WWC1: variants seen among roughly 807,000 people sequenced by gnomAD.
WWC1 encodes WW and C2 domain containing 1, also known as protein KIBRA.
Under a neutral mutation model 138.4 loss-of-function variants are expected in WWC1, and 55 were observed. The observed-to-expected ratio is 0.40, with a 90% CI of 0.32 to 0.50. The LOEUF (loss-of-function observed/expected upper bound fraction) is 0.50, where lower values mean the gene tolerates loss of function less well. Ranked by LOEUF, WWC1 falls within the 20% of genes least tolerant of loss-of-function variation. The pLI is 0.72. For synonymous variants in WWC1, 524 were observed against 564.9 expected (o/e 0.93, Z 1.03); for missense variants, 1,226 against 1,420.4 (o/e 0.86, Z 2.20).
At chr5:168,315,643 A>G (rs983147763) in intron 1 of WWC1, among the ~76,000 whole-genome samples, 2 of 152,102 alleles carry the variant, frequency 1.3e-5, no homozygotes, top group Non-Finnish European at 2.9e-5. Context: ...CATCCTGCCC[A>G]GTCTCTCCAG....
intron 2 of WWC1, among the ~76,000 whole-genome samples, chr5:168,377,070 T>C (rs1213020267): frequency 6.6e-6 from 1 of 152,186 alleles, no homozygotes; most frequent in East Asian, 1.9e-4. Context: ...ATGATACTAG[T>C]ACAAAAGCAG....
chr5:168,357,589 A>G (rs576294775), intron 1 of WWC1, among the ~76,000 whole-genome samples: 1 of 152,140 alleles, frequency 6.6e-6, no homozygotes, highest in African/African-American at 2.4e-5. Context: ...GCAAAGGCAA[A>G]GAGGACAATG....
chr5:168,325,804 C>T (rs910957438), intron 1 of WWC1, among the ~76,000 whole-genome samples: 7 of 152,132 alleles, frequency 4.6e-5, no homozygotes, highest in South Asian at 4.1e-4. Context: ...AACAATTCCC[C>T]ATTCCACCCT....
Position 168,428,144 on chromosome 5 carries a change from A to G in WWC1, c.1919+3A>G. ...GTGTACGAGGCTTCCGTGCAGAGGT[A>G]GGTGTCTGGGTGCTGGCTCTCTCTG... On this transcript the variant is annotated splice_donor_region_variant and intron_variant, in intron 12 of 22. Transcript: ENST00000265293. The G allele has an allele frequency of 6.2e-7, 1 of 1,612,006 alleles. No homozygotes were observed. Among genetic ancestry groups the G allele is most frequent in the East Asian group, 2.2e-5 (1 of 44,772 alleles).
chr5:168,318,480 T>A (rs1361314802), intron 1 of WWC1, among the ~76,000 whole-genome samples: 1 of 152,158 alleles, frequency 6.6e-6, no homozygotes, highest in African/African-American at 2.4e-5. Context: ...ACTTCTACTT[T>A]CTGTCTCTAT....
At chr5:168,438,057 C>T (rs1352429766) in intron 15 of WWC1, among the ~76,000 whole-genome samples, 3 of 152,148 alleles carry the variant, frequency 2.0e-5, no homozygotes, top group Admixed American at 1.3e-4. Context: ...ACCTCTGATC[C>T]TCCCAATAGG....
intron 19 of WWC1, among the ~76,000 whole-genome samples, chr5:168,460,013 C>T (rs1401733977): frequency 6.6e-6 from 1 of 152,156 alleles, no homozygotes; most frequent in East Asian, 1.9e-4. Flanking sequence ...GAATACTAGC[C>T]CTCTGGGGGG....
At chr5:168,328,543 G>T (rs1477174931) in intron 1 of WWC1, among the ~76,000 whole-genome samples, 1 of 152,014 alleles carries the variant, frequency 6.6e-6, no homozygotes, top group South Asian at 2.1e-4. Flanking sequence ...TGGGTGTGGG[G>T]AGTTTTTTCT....
intron 5 of WWC1, among the ~76,000 whole-genome samples, chr5:168,401,254 A>G (rs1779287880): frequency 6.6e-6 from 1 of 152,170 alleles, no homozygotes; most frequent in Non-Finnish European, 1.5e-5. Context: ...TCACTGGACA[A>G]TCATTATGAA....
intron 1 of WWC1, among the ~76,000 whole-genome samples, chr5:168,347,476 G>T (rs1395439151): frequency 6.6e-6 from 1 of 152,230 alleles, no homozygotes; most frequent in Non-Finnish European, 1.5e-5. Flanking sequence ...CTTTCGTTGA[G>T]ATGCTGATAT....
intron 1 of WWC1, among the ~76,000 whole-genome samples, chr5:168,321,982 G>T (rs1409625391): frequency 1.3e-5 from 2 of 152,194 alleles, no homozygotes; most frequent in Non-Finnish European, 2.9e-5. Flanking sequence ...TTCTAGAGCA[G>T]CAGTTCTTGA....
At chr5:168,337,707 A>T (rs1773615186) in intron 1 of WWC1, among the ~76,000 whole-genome samples, 1 of 152,200 alleles carries the variant, frequency 6.6e-6, no homozygotes, top group Non-Finnish European at 1.5e-5. Flanking sequence ...ATGACCAAAG[A>T]AAGAAAGAAA....
chr5:168,305,152 G>C (rs916965402), intron 1 of WWC1, among the ~76,000 whole-genome samples: 8 of 143,576 alleles, frequency 5.6e-5, no homozygotes, highest in Non-Finnish European at 1.2e-4. Context: ...TTTTTTAGTA[G>C]AGATGGAGTT....
At chr5:168,410,799 T>C (rs969451530) in intron 8 of WWC1, among the ~76,000 whole-genome samples, 7 of 152,186 alleles carry the variant, frequency 4.6e-5, no homozygotes, top group Admixed American at 1.3e-4. Flanking sequence ...AGCAACCTTA[T>C]AGCACAGGGT....
chr5:168,319,528 G>A (rs1369118721), intron 1 of WWC1, among the ~76,000 whole-genome samples: 2 of 152,304 alleles, frequency 1.3e-5, no homozygotes, highest in Non-Finnish European at 2.9e-5. Flanking sequence ...ATTTTTTTGA[G>A]ACAAGGTCTC....
rs147306133 is a variant in WWC1, at chr5:168,382,371, T to C, written c.230-2840T>C. Among the ~76,000 whole-genome samples, 13 of 152,300 alleles carry C rather than the reference T, an allele frequency of 8.5e-5. 1 individual carries two copies. The East Asian group carries it at 2.5e-3, about 29-fold the overall frequency. ...CTCAACAACAGTTACCTCTGGGCAA[T>C]GGGATTGGAGAGATGGAAACTCTCT... On this transcript the variant is annotated intron_variant, in intron 2 of 22. Transcript: ENST00000265293.
chr5:168,292,211 G>A lies in WWC1; in HGVS notation c.59G>A (p.Gly20Asp). 2 of 1,572,732 alleles carry A rather than the reference G, an allele frequency of 1.3e-6. No individual in the cohort carries two copies. The highest frequency in any genetic ancestry group is 1.8e-5 in the Admixed American group (1 of 54,540). ...TGGGAGGAGGCGCGCGACTTCGACG[G>A]CAAGGTCTACTACATAGACCACACG... ...EGWEEARDFD[G>D]KVYYIDHTNR... Residue 20 changes from glycine (G) to aspartate (D), a missense_variant, in exon 1 of 23, where the codon GGC becomes GAC. By Grantham distance (94) the Gly-to-Asp change is moderately conservative. Around this residue, in one of 3 missense-constraint regions of WWC1, gnomAD observed 1,016 missense variants for 1,153.9 expected, o/e 0.88. Coordinates refer to ENST00000265293, the MANE Select transcript of WWC1 (RefSeq NM_015238.3). The surrounding 1 kb of genome is among the most constrained non-coding windows in gnomAD (Gnocchi z 4.4).
At chr5:168,297,408 C>T (rs2152737433) in intron 1 of WWC1, among the ~76,000 whole-genome samples, 1 of 152,252 alleles carries the variant, frequency 6.6e-6, no homozygotes, top group Admixed American at 6.5e-5. Context: ...GGGCAGATCA[C>T]CTGAGGTCAG....
intron 1 of WWC1, among the ~76,000 whole-genome samples, chr5:168,336,772 T>C (rs1226287556): frequency 1.3e-5 from 2 of 152,044 alleles, no homozygotes; most frequent in Non-Finnish European, 2.9e-5. Flanking sequence ...GATACATTAG[T>C]AGTTAATACA....
Sources: allele counts gnomAD v4.1 joint callset (sites outside exome capture counted in the v4.1 genomes callset), GRCh38; gene constraint gnomAD v4.1.1; regional missense constraint gnomAD v4.1.1; non-coding constraint Gnocchi (gnomAD v3.1); transcripts MANE v1.5; gene names NCBI Gene and HGNC (gene_info 2026-07-23, HGNC 2026-07-21).